Variants in DNAI7 observed in about 807,000 individuals in gnomAD.
DNAI7 encodes cancer susceptibility 1.
Under a neutral mutation model 86.6 loss-of-function variants are expected in DNAI7, and 78 were observed. That is an observed-to-expected ratio of 0.90 (90% CI 0.75 to 1.09). DNAI7 has a LOEUF of 1.09. Ranked by LOEUF, DNAI7 falls within the 50% of genes least tolerant of loss-of-function variation. The pLI is 0.00. For missense variants in DNAI7, 753 were observed against 810.2 expected, an observed-to-expected ratio of 0.93 and a Z score of 0.86; for synonymous variants, 274 against 273.0, an observed-to-expected ratio of 1.00 and a Z score of -0.04.
intron 2 of DNAI7, among the ~76,000 whole-genome samples, chr12:25,168,355 C>T (rs1201477832): frequency 2.0e-5 from 3 of 152,100 alleles, no homozygotes; most frequent in Non-Finnish European, 2.9e-5. Flanking sequence ...GACACCGACA[C>T]GACAAAAAAG....
In DNAI7 at chr12:25,174,174, T is replaced by C. The variant is rs1008045672; in HGVS notation, c.22-12977A>G. On this transcript the variant is annotated intron_variant, in intron 2 of 15. Transcript: ENST00000395987. Reference sequence around the variant, plus strand: ...ATGTGCTTGAGTTTGTTGCAGATTCTGGATATTAGTCCTTTGTCAGATGTA... The same window carrying C: ...ATGTGCTTGAGTTTGTTGCAGATTCCGGATATTAGTCCTTTGTCAGATGTA... 4.7e-5 allele frequency among the ~76,000 whole-genome samples: 7 copies of C among 148,396 alleles called. No individual in the cohort carries two copies. In the South Asian group the frequency reaches 1.3e-3, roughly 27 times the overall value.
At chr12:25,191,023 T>C (rs927254191) in intron 1 of DNAI7, among the ~76,000 whole-genome samples, 6 of 152,226 alleles carry the variant, frequency 3.9e-5, no homozygotes, top group African/African-American at 1.4e-4. Flanking sequence ...TTATTGGCAC[T>C]AATGTCAAAT....
intron 6 of DNAI7, among the ~76,000 whole-genome samples, chr12:25,150,327 G>T (rs983357811): frequency 2.0e-5 from 3 of 152,216 alleles, no homozygotes; most frequent in Non-Finnish European, 1.5e-5. Context: ...AATGGAGGCC[G>T]GGCGCAGTGG....
Position 25,149,857 on chromosome 12 carries a change from A to G in DNAI7, c.439-83T>C, listed in dbSNP as rs1030169240. ...AAAAGGGAATGTTTTATCCCTTTTG[A>G]ATTGAGGAACACATCCTTAGCAAAA... On this transcript the variant is annotated intron_variant, in intron 6 of 15. Coordinates refer to ENST00000395987, the MANE Select transcript of DNAI7 (RefSeq NM_018272.5). The G allele has an allele frequency of 1.4e-5, 11 of 789,270 alleles. No homozygotes were observed. The African/African-American group carries it at 1.8e-4, about 13-fold the overall frequency. The allele number at this position is 789,270 out of a possible 1,614,324, so 48.9% of individuals were successfully genotyped here.
At chr12:25,143,080 A>G (rs956306921) in intron 9 of DNAI7, among the ~76,000 whole-genome samples, 14 of 152,164 alleles carry the variant, frequency 9.2e-5, no homozygotes, top group Non-Finnish European at 1.6e-4. Flanking sequence ...AGAAGAATAA[A>G]TCATTTCCCT....
At chr12:25,148,365 T>A (rs1288534144) in intron 7 of DNAI7, among the ~76,000 whole-genome samples, 1 of 152,258 alleles carries the variant, frequency 6.6e-6, no homozygotes, top group Non-Finnish European at 1.5e-5. Context: ...TGTTCCACTA[T>A]TAATGATATG....
In DNAI7 at chr12:25,167,201, C is replaced by G. The variant is rs147269110; in HGVS notation, c.22-6004G>C. On this transcript the variant is annotated intron_variant, in intron 2 of 15. Coordinates refer to ENST00000395987, the MANE Select transcript of DNAI7 (RefSeq NM_018272.5). ...TATAGTACAAGCCACCAGCCCACCT[C>G]TTAGAACCTCTCATTTCCTTTCCAT... Among the ~76,000 whole-genome samples the G allele has an allele frequency of 4.2e-3, 646 of 152,358 alleles. 5 individuals are homozygous for G. Among genetic ancestry groups the G allele is most frequent in the African/African-American group, 0.015 (613 of 41,584 alleles).
Position 25,161,188 on chromosome 12 carries a change from T to TA in DNAI7, c.30dup (p.Lys11Ter). The TA allele has an allele frequency of 6.2e-7, 1 of 1,613,840 alleles. No individual in the cohort carries two copies. The highest frequency in any genetic ancestry group is 1.1e-5 in the South Asian group (1 of 91,070). On this transcript the variant is annotated frameshift_variant, in exon 3 of 16. Coordinates refer to ENST00000395987, the MANE Select transcript of DNAI7 (RefSeq NM_018272.5). LOFTEE classifies it high-confidence loss of function. ...TCAGCTTTGGTGACTTTCTTTTTCT[T>TA]ACTGCCAGACTTAACAAAGGCCACA...
intron 12 of DNAI7, among the ~76,000 whole-genome samples, chr12:25,116,290 G>A (rs185699087): frequency 1.1e-3 from 173 of 151,444 alleles, no homozygotes; most frequent in African/African-American, 3.8e-3. Context: ...TCTTTTTGTC[G>A]CTACATTAAC....
intron 2 of DNAI7, among the ~76,000 whole-genome samples, chr12:25,181,051 G>A (rs550502368): frequency 3.9e-5 from 6 of 152,204 alleles, no homozygotes; most frequent in South Asian, 4.1e-4. Flanking sequence ...CAGATGATCC[G>A]CCTGCCTTGG....
At chr12:25,145,815 C>A (rs1343318602) in intron 8 of DNAI7, among the ~76,000 whole-genome samples, 1 of 152,192 alleles carries the variant, frequency 6.6e-6, no homozygotes, top group Non-Finnish European at 1.5e-5. Flanking sequence ...GATCAAGCAG[C>A]AACCAAGCAC....
At chr12:25,174,497 C>T (rs200853334) in intron 2 of DNAI7, among the ~76,000 whole-genome samples, 2,069 of 2,850 alleles carry the variant, frequency 0.73, 930 homozygotes, top group African/African-American at 0.84. Flanking sequence ...ATCATATATC[C>T]CATATATATG....
At chr12:25,135,722 C>A (rs746820596) in intron 9 of DNAI7, among the ~76,000 whole-genome samples, 1 of 152,036 alleles carries the variant, frequency 6.6e-6, no homozygotes, top group Non-Finnish European at 1.5e-5. Flanking sequence ...TGAGGCCCAT[C>A]ACTGCTGACT....
chr12:25,178,649 A>C (rs1019950470), intron 2 of DNAI7, among the ~76,000 whole-genome samples: 3 of 152,180 alleles, frequency 2.0e-5, no homozygotes, highest in African/African-American at 7.2e-5. Flanking sequence ...CAATATACTA[A>C]AATTTAAAAT....
In DNAI7 at chr12:25,154,471, T is replaced by C; in HGVS notation, c.301-15A>G. On this transcript the variant is annotated splice_polypyrimidine_tract_variant and intron_variant, in intron 5 of 15. Coordinates refer to ENST00000395987, the MANE Select transcript of DNAI7 (RefSeq NM_018272.5). The stretch of plus-strand genomic sequence containing the variant: ...TAGTGCTTCCACTGTGGAATAAAAA[T>C]GTTTAAAGGTTCACATTGATGAAGA... 6.3e-7 allele frequency: 1 copy of C among 1,595,142 alleles called. No individual in the cohort carries two copies. The highest frequency in any genetic ancestry group is 1.7e-4 in the Middle Eastern group (1 of 6,030).
At chr12:25,186,458 A>G (rs1950043879) in intron 2 of DNAI7, among the ~76,000 whole-genome samples, 1 of 152,226 alleles carries the variant, frequency 6.6e-6, no homozygotes, top group Non-Finnish European at 1.5e-5. Context: ...CTTTGGTACC[A>G]TAATTTGATA....
rs1188180183 is a variant in DNAI7 at position 25,158,571 on chromosome 12, A to C, written c.107-8T>G. The C allele has an allele frequency of 6.2e-7, 1 of 1,607,572 alleles. No homozygotes were observed. The highest frequency in any genetic ancestry group is 2.2e-5 in the East Asian group (1 of 44,730). ...ATTTCAAACGGGCTTCCTCTAAAGAACCAAAAATAATTTTTTTCTCAGTGA... is the reference window on the plus strand; with the variant it reads ...ATTTCAAACGGGCTTCCTCTAAAGACCCAAAAATAATTTTTTTCTCAGTGA... On this transcript the variant is annotated splice_polypyrimidine_tract_variant and splice_region_variant and intron_variant, in intron 3 of 15. Coordinates refer to ENST00000395987, the MANE Select transcript of DNAI7 (RefSeq NM_018272.5).
chr12:25,133,118 T>C (rs11615239), intron 9 of DNAI7, among the ~76,000 whole-genome samples: 40,547 of 151,566 alleles, frequency 0.27, 6,625 homozygotes, highest in East Asian at 0.52. Context: ...TTATAATTTT[T>C]GAATAGTTCA....
At chr12:25,158,208 A>G (rs1388245557) in intron 4 of DNAI7, among the ~76,000 whole-genome samples, 15 of 152,054 alleles carry the variant, frequency 9.9e-5, no homozygotes, top group South Asian at 2.1e-4. Context: ...CAGCCTGGGC[A>G]ACAGAGCGAG....
Sources: allele counts gnomAD v4.1 joint callset (sites outside exome capture counted in the v4.1 genomes callset), GRCh38; gene constraint gnomAD v4.1.1; transcripts MANE v1.5; gene names NCBI Gene and HGNC (gene_info 2026-07-23, HGNC 2026-07-21).